The following AXDND1 variants were observed in gnomAD, a reference collection of about 807,000 sequenced individuals.
AXDND1 encodes axonemal dynein light chain domain containing 1.
In AXDND1, 110 loss-of-function variants were observed where a neutral mutation model predicts 137.5. The ratio of observed to expected loss-of-function variants is 0.80; its 90% CI spans 0.69 to 0.94. The LOEUF (loss-of-function observed/expected upper bound fraction) is 0.94. Ranked by LOEUF, AXDND1 falls within the 40% of genes least tolerant of loss-of-function variation. The probability of loss-of-function intolerance (pLI) is 0.00; values close to 1 mark genes in which losing one functional copy is unlikely to be tolerated. For missense variants in AXDND1, 1,191 were observed against 1,169.8 expected, an observed-to-expected ratio of 1.02 and a Z score of -0.26; for synonymous variants, 414 against 399.7, an observed-to-expected ratio of 1.04 and a Z score of -0.43.
chr1:179,418,453 A>G (rs1655048665), intron 12 of AXDND1, among the ~76,000 whole-genome samples: 1 of 152,168 alleles, frequency 6.6e-6, no homozygotes, highest in African/African-American at 2.4e-5. Context: ...CCCCCTTTCC[A>G]TTCCACAAAA....
At chr1:179,389,828 A>G (rs548866533) in intron 9 of AXDND1, among the ~76,000 whole-genome samples, 1 of 152,148 alleles carries the variant, frequency 6.6e-6, no homozygotes, top group African/African-American at 2.4e-5. Context: ...AATCCTAAAG[A>G]TGATGTTTTT....
At chr1:179,533,494 T>C (rs1671218519) in intron 23 of AXDND1, among the ~76,000 whole-genome samples, 1 of 152,170 alleles carries the variant, frequency 6.6e-6, no homozygotes, top group African/African-American at 2.4e-5. Context: ...TTTTTAAATC[T>C]TTTTTTATTT....
chr1:179,477,408 A>G (rs1042503072), intron 17 of AXDND1, among the ~76,000 whole-genome samples: 2 of 152,098 alleles, frequency 1.3e-5, no homozygotes, highest in Admixed American at 1.3e-4. Flanking sequence ...GTGGCTGGGG[A>G]GGCCTCACAA....
chr1:179,383,642 T>A, intron 8 of AXDND1, 98 bp downstream of exon 8: 1 of 861,484 alleles, frequency 1.2e-6, no homozygotes, highest in Non-Finnish European at 1.9e-6. Context: ...TATTTACTAA[T>A]GGCCTTGGAC....
Position 179,385,280 on chromosome 1 carries a change from TACA to T in AXDND1, c.788_790del (p.Asn263del). The T allele has an allele frequency of 6.2e-7, 1 of 1,612,276 alleles. No homozygotes were observed. The highest frequency in any genetic ancestry group is 2.2e-5 in the East Asian group (1 of 44,844). On this transcript the variant is annotated inframe_deletion, in exon 9 of 26. Coordinates refer to ENST00000367618, the MANE Select transcript of AXDND1 (RefSeq NM_144696.6). ...TATATTGAAGAAGGAACAGACCATT[TACA>T]ACATGATATTTCATGAACTTATTCG...
chr1:179,389,392 C>A (rs185344343), intron 9 of AXDND1, among the ~76,000 whole-genome samples: 1 of 152,204 alleles, frequency 6.6e-6, no homozygotes, highest in Non-Finnish European at 1.5e-5. Flanking sequence ...TATTTTGCAG[C>A]CTTTGCTTGT....
At chr1:179,385,158 A>G in intron 8 of AXDND1, 80 bp from the exon 9 acceptor site, 1 of 1,181,018 alleles carries the variant, frequency 8.5e-7, no homozygotes, top group Non-Finnish European at 1.2e-6. Context: ...AAACTTATTT[A>G]CATTCAAGGT....
chr1:179,507,313 A>G (rs1668630094), intron 20 of AXDND1, among the ~76,000 whole-genome samples: 1 of 152,212 alleles, frequency 6.6e-6, no homozygotes, highest in Non-Finnish European at 1.5e-5. Flanking sequence ...GTTTACAGTA[A>G]AACTGTAAAA....
intron 20 of AXDND1, among the ~76,000 whole-genome samples, chr1:179,494,581 G>A (rs375028654): frequency 1.7e-4 from 25 of 148,174 alleles, no homozygotes; most frequent in African/African-American, 5.0e-4. Flanking sequence ...ACTATGTTGC[G>A]TAGGCTGGAC....
At chr1:179,521,714 T>C (rs1327301013) in intron 21 of AXDND1, among the ~76,000 whole-genome samples, 1 of 151,934 alleles carries the variant, frequency 6.6e-6, no homozygotes, top group Non-Finnish European at 1.5e-5. Context: ...GCAAACTCAG[T>C]TTTTGTTTGT....
At chr1:179,480,049 T>G (rs1420086307) in intron 17 of AXDND1, among the ~76,000 whole-genome samples, 1 of 152,180 alleles carries the variant, frequency 6.6e-6, no homozygotes, top group East Asian at 1.9e-4. Context: ...TTGTTCCACA[T>G]TTTCCTGTCT....
chr1:179,550,931 G>A (rs1056164805), intron 25 of AXDND1: 5 of 552,102 alleles, frequency 9.1e-6, no homozygotes, highest in East Asian at 6.4e-5. Context: ...GTAGAATGTT[G>A]ACCAAAGCTG....
intron 21 of AXDND1, among the ~76,000 whole-genome samples, chr1:179,517,549 C>T (rs186637400): frequency 2.6e-5 from 4 of 152,342 alleles, no homozygotes; most frequent in East Asian, 1.9e-4. Flanking sequence ...TGCCTCTGGC[C>T]GCCCTCCCGA....
intron 16 of AXDND1, chr1:179,449,769 G>A (rs1660269736): frequency 6.6e-6 from 1 of 151,928 alleles, no homozygotes; most frequent in Admixed American, 6.6e-5. Flanking sequence ...TCTAGATGAT[G>A]TGAATGAAGA....
At position 179,402,943 on chromosome 1, in the gene AXDND1, A is replaced by G. The variant is rs34921974; in HGVS notation, c.1109+7741A>G. On this transcript the variant is annotated intron_variant, in intron 11 of 25. Transcript: ENST00000367618. The stretch of plus-strand genomic sequence containing the variant: ...TGCCTTACTAGCAGCATTTGTCACA[A>G]TGGATCAGTTAATCTTACTTGAAAC... Among the ~76,000 whole-genome samples, 1,158 of 152,318 alleles carry G rather than the reference A, an allele frequency of 7.6e-3. 10 individuals carry two copies. The highest frequency in any genetic ancestry group is 0.014 in the East Asian group (71 of 5,188).
chr1:179,507,957 C>T (rs1211522134), intron 20 of AXDND1, among the ~76,000 whole-genome samples: 1 of 152,190 alleles, frequency 6.6e-6, no homozygotes, highest in African/African-American at 2.4e-5. Flanking sequence ...ATTAACAAAG[C>T]TGTAGTAAAC....
chr1:179,420,790 T>A (rs1057361801), intron 12 of AXDND1, among the ~76,000 whole-genome samples: 1 of 152,018 alleles, frequency 6.6e-6, no homozygotes, highest in Admixed American at 6.6e-5. Flanking sequence ...ACCTGATGAA[T>A]TTTTGTATTT....
At chr1:179,541,702 T>TA (rs1672180086) in intron 25 of AXDND1, among the ~76,000 whole-genome samples, 1 of 140,798 alleles carries the variant, frequency 7.1e-6, no homozygotes, top group Non-Finnish European at 1.5e-5. Context: ...ATATGCATGA[T>TA]AATATATGCA....
At chr1:179,368,993 A>C (rs1667753011) in intron 3 of AXDND1, 21 bp downstream of exon 3, 1 of 1,551,594 alleles carries the variant, frequency 6.4e-7, no homozygotes, top group East Asian at 2.3e-5. Flanking sequence ...ACATATGTAG[A>C]GTAATGGGGA....
Sources: gnomAD v4.1 joint callset for allele counts (sites outside exome capture counted in the v4.1 genomes callset) on GRCh38, gnomAD v4.1.1 for gene constraint, MANE v1.5 for transcripts, NCBI Gene and HGNC (gene_info 2026-07-23, HGNC 2026-07-21) for gene names.